The following RPS6KA5 variants were observed in gnomAD, a reference collection of about 807,000 sequenced individuals.
RPS6KA5 encodes the protein ribosomal protein S6 kinase A5.
A neutral mutation model predicts 85.5 loss-of-function variants in RPS6KA5; 27 were observed. The ratio of observed to expected loss-of-function variants is 0.32; its 90% CI spans 0.23 to 0.44. The LOEUF (loss-of-function observed/expected upper bound fraction) is 0.44. Ranked by LOEUF, RPS6KA5 falls within the 20% of genes least tolerant of loss-of-function variation. The pLI, the probability that RPS6KA5 is intolerant of heterozygous loss-of-function variation, is 1.00. For synonymous variants in RPS6KA5, 334 were observed against 348.2 expected (o/e 0.96, Z 0.46); for missense variants, 811 against 980.9 (o/e 0.83, Z 2.31).
In RPS6KA5 at chr14:90,851,188, T is replaced by A. The variant is rs1253986585; in HGVS notation, c.*20886A>T. The A allele has an allele frequency of 6.6e-6, 1 of 152,046 alleles. No homozygotes were observed. The highest frequency in any genetic ancestry group is 1.5e-5 in the Non-Finnish European group (1 of 68,048). 9.4% of individuals were successfully genotyped at this position (152,046 alleles called of 1,614,324 possible). On this transcript the variant is annotated 3_prime_UTR_variant, in exon 17 of 17. Coordinates refer to ENST00000614987, the MANE Select transcript of RPS6KA5 (RefSeq NM_004755.4). The stretch of plus-strand genomic sequence containing the variant: ...GAGTAGCTGGGACTACAGGCGCTCA[T>A]CACCATGCCTGGCTAATTTTTTTGT...
intron 1 of RPS6KA5, among the ~76,000 whole-genome samples, chr14:91,032,411 T>C (rs1437957997): frequency 6.6e-6 from 1 of 152,158 alleles, no homozygotes; most frequent in East Asian, 1.9e-4. Context: ...TTTTCTTACT[T>C]GCAGCTAAAC....
chr14:90,950,357 C>A (rs976205639), intron 3 of RPS6KA5, among the ~76,000 whole-genome samples: 1 of 152,134 alleles, frequency 6.6e-6, no homozygotes, highest in Non-Finnish European at 1.5e-5. Flanking sequence ...TATAAGATGT[C>A]ATCTTTAGAT....
rs1156852655 is a variant in RPS6KA5, at chr14:90,947,560, A to G, written c.395-10T>C. 13 of 1,458,444 alleles carry G rather than the reference A, an allele frequency of 8.9e-6. No homozygotes were observed. Among genetic ancestry groups the G allele is most frequent in the African/African-American group, 1.4e-5 (1 of 71,704 alleles). The allele number at this position is 1,458,444 out of a possible 1,614,324, so 90.3% of individuals were successfully genotyped here. A position where few individuals can be genotyped will look rare whatever the true frequency, so the allele number is the denominator to read the frequency against. ...CCACCATTTATATAATCTAAAAATG[A>G]AATACATTTTTCTTTCTTAAACATG... On this transcript the variant is annotated splice_polypyrimidine_tract_variant and intron_variant, in intron 3 of 16. Transcript: ENST00000614987.
At chr14:90,942,305 T>G (rs1191849456) in intron 5 of RPS6KA5, among the ~76,000 whole-genome samples, 4 of 152,158 alleles carry the variant, frequency 2.6e-5, no homozygotes, top group African/African-American at 9.7e-5. Flanking sequence ...ACAAAGTCCT[T>G]CACTACAAAA....
chr14:90,951,456 C>T (rs573069093), intron 3 of RPS6KA5, among the ~76,000 whole-genome samples: 3 of 152,178 alleles, frequency 2.0e-5, no homozygotes, highest in Admixed American at 2.0e-4. Flanking sequence ...GCCTGGGCGA[C>T]AGAGTGAGAC....
chr14:90,977,826 G>T (rs7148761), intron 3 of RPS6KA5, among the ~76,000 whole-genome samples: 1 of 152,120 alleles, frequency 6.6e-6, no homozygotes, highest in Admixed American at 6.5e-5. Context: ...AGGCCAAGGC[G>T]GGCAGATCAC....
At chr14:90,938,411 T>C (rs1017533982) in intron 5 of RPS6KA5, among the ~76,000 whole-genome samples, 1 of 152,196 alleles carries the variant, frequency 6.6e-6, no homozygotes, top group African/African-American at 2.4e-5. Flanking sequence ...TTCTGAGGTT[T>C]AAAGGACAGT....
chr14:91,044,896 G>A (rs2042809417), intron 1 of RPS6KA5, among the ~76,000 whole-genome samples: 1 of 151,658 alleles, frequency 6.6e-6, no homozygotes, highest in Non-Finnish European at 1.5e-5. Flanking sequence ...AAAAAAGGTG[G>A]AAGAGACAAA....
chr14:90,929,853 C>T (rs949690451), intron 5 of RPS6KA5, among the ~76,000 whole-genome samples: 1 of 152,188 alleles, frequency 6.6e-6, no homozygotes, highest in South Asian at 2.1e-4. Context: ...TCAAGACTTA[C>T]TATAAAATGA....
intron 12 of RPS6KA5, 142 bp from the exon 13 acceptor site, chr14:90,894,725 G>A (rs2034743812): frequency 2.9e-6 from 3 of 1,035,784 alleles, no homozygotes; most frequent in Non-Finnish European, 4.0e-6. Context: ...TCATATCTTA[G>A]AGAAAAGGGC....
At position 90,858,022 on chromosome 14, in the gene RPS6KA5, T is replaced by C; in HGVS notation, c.*14052A>G. 6.6e-6 allele frequency: 1 copy of C among 152,166 alleles called. No individual in the cohort carries two copies. Among genetic ancestry groups the C allele is most frequent in the East Asian group, 1.9e-4 (1 of 5,202 alleles). The allele number at this position is 152,166 out of a possible 1,614,324, so 9.4% of individuals were successfully genotyped here. On this transcript the variant is annotated 3_prime_UTR_variant, in exon 17 of 17. Coordinates refer to ENST00000614987, the MANE Select transcript of RPS6KA5 (RefSeq NM_004755.4). ...CTGCGGAGAAATCAACAATGGCGATTAAAAATGATTACCACCAGATTTTTG... is the reference window on the plus strand; with the variant it reads ...CTGCGGAGAAATCAACAATGGCGATCAAAAATGATTACCACCAGATTTTTG...
chr14:90,971,687 A>C (rs1347299534), intron 3 of RPS6KA5, among the ~76,000 whole-genome samples: 1 of 152,240 alleles, frequency 6.6e-6, no homozygotes, highest in Non-Finnish European at 1.5e-5. Context: ...CAATGGAACA[A>C]GCCCCATCAA....
In RPS6KA5 at chr14:90,900,603, C is replaced by A; in HGVS notation, c.1245+8G>T. 6.2e-7 allele frequency: 1 copy of A among 1,612,144 alleles called. No homozygotes were observed. The highest frequency in any genetic ancestry group is 2.2e-5 in the East Asian group (1 of 44,742). Reference sequence around the variant, plus strand: ...AAATATGTCATATAAGTTACCACATCTATATACCTTCATCATTGCACTCCT... The same window carrying A: ...AAATATGTCATATAAGTTACCACATATATATACCTTCATCATTGCACTCCT... On this transcript the variant is annotated splice_region_variant and intron_variant, in intron 10 of 16. Transcript: ENST00000614987.
At chr14:90,994,029 C>T (rs2040412819) in intron 2 of RPS6KA5, among the ~76,000 whole-genome samples, 1 of 152,072 alleles carries the variant, frequency 6.6e-6, no homozygotes, top group Admixed American at 6.6e-5. Context: ...GCTAGGACTA[C>T]AGTCATGCAT....
chr14:90,959,033 C>T (rs763287336), intron 3 of RPS6KA5, among the ~76,000 whole-genome samples: 8 of 151,796 alleles, frequency 5.3e-5, no homozygotes, highest in South Asian at 4.2e-4. Flanking sequence ...GTACAAAGAT[C>T]CTGAGGCAGT....
intron 1 of RPS6KA5, among the ~76,000 whole-genome samples, chr14:91,016,304 G>A (rs1039058059): frequency 1.3e-5 from 2 of 151,780 alleles, no homozygotes; most frequent in African/African-American, 4.8e-5. Flanking sequence ...TTGAACTCCT[G>A]GGCTCAAGAG....
intron 3 of RPS6KA5, among the ~76,000 whole-genome samples, chr14:90,965,603 G>C (rs546055330): frequency 6.6e-6 from 1 of 152,146 alleles, no homozygotes; most frequent in African/African-American, 2.4e-5. Flanking sequence ...ACGAGAGAGG[G>C]GTAAAATGCT....
chr14:90,907,084 C>G (rs914971015), intron 7 of RPS6KA5, among the ~76,000 whole-genome samples: 1 of 152,160 alleles, frequency 6.6e-6, no homozygotes, highest in African/African-American at 2.4e-5. Flanking sequence ...CTTTCTCCCT[C>G]TTAACATCCA....
chr14:91,022,260 T>C (rs2041817087), intron 1 of RPS6KA5, among the ~76,000 whole-genome samples: 1 of 152,238 alleles, frequency 6.6e-6, no homozygotes, highest in Non-Finnish European at 1.5e-5. Context: ...CCAAAAAGCA[T>C]ATAGCCAACT....
Sources: allele counts gnomAD v4.1 joint callset (sites outside exome capture counted in the v4.1 genomes callset), GRCh38; gene constraint gnomAD v4.1.1; transcripts MANE v1.5; gene names NCBI Gene and HGNC (gene_info 2026-07-23, HGNC 2026-07-21).